FOXI1: variants seen among roughly 807,000 people sequenced by gnomAD.
The protein encoded by FOXI1 is forkhead box protein I1.
Under a neutral mutation model 16.4 loss-of-function variants are expected in FOXI1, and 11 were observed. The ratio of observed to expected loss-of-function variants is 0.67; its 90% CI spans 0.42 to 1.11. FOXI1 has a LOEUF of 1.11. Ranked by LOEUF, FOXI1 falls within the 50% of genes least tolerant of loss-of-function variation. The pLI is 0.00. For synonymous variants in FOXI1, 218 were observed against 211.5 expected, an observed-to-expected ratio of 1.03 and a Z score of -0.27; for missense variants, 480 against 506.1, an observed-to-expected ratio of 0.95 and a Z score of 0.49.
At position 170,108,849 on chromosome 5, in the gene FOXI1, A is replaced by G; in HGVS notation, c.*238A>G. On this transcript the variant is annotated 3_prime_UTR_variant, in exon 2 of 2. Coordinates refer to ENST00000306268, the MANE Select transcript of FOXI1 (RefSeq NM_012188.5). The stretch of plus-strand genomic sequence containing the variant: ...CTGGTGCCTGCAGAGCAGCACTAAC[A>G]GTGGCAGGTGCTGTACTAGGCTCTG... The G allele has an allele frequency of 1.7e-6, 1 of 577,992 alleles. No individual in the cohort carries two copies. Among genetic ancestry groups the G allele is most frequent in the South Asian group, 2.0e-5 (1 of 50,358 alleles). The allele number at this position is 577,992 out of a possible 1,614,324, so 35.8% of individuals were successfully genotyped here.
Position 170,106,602 on chromosome 5 carries a change from T to C in FOXI1, c.574+71T>C, listed in dbSNP as rs2277945. 0.32 allele frequency: 515,862 copies of C among 1,587,342 alleles called. 85,836 individuals are homozygous for C. The highest frequency in any genetic ancestry group is 0.34 in the Non-Finnish European group (399,590 of 1,165,908). On this transcript the variant is annotated intron_variant, in intron 1 of 1. Coordinates refer to ENST00000306268, the MANE Select transcript of FOXI1 (RefSeq NM_012188.5). ...TTCCTTCCTCCCCAAGACCCCATTC[T>C]AGAAAGTTCTGACTAGGGCTGTGCC...
Position 170,106,516 on chromosome 5 carries a change from G to A in FOXI1, c.559G>A (p.Asp187Asn), listed in dbSNP as rs1561921117. ...CGACTGCTTCAAGAAGGTGCCCCGCGACGAGGACGACCCGGGTAAGGAGGC... is the reference window on the plus strand; with the variant it reads ...CGACTGCTTCAAGAAGGTGCCCCGCAACGAGGACGACCCGGGTAAGGAGGC... ...LNDCFKKVPRDEDDPGKGNYW... is the reference protein window; with the variant it reads ...LNDCFKKVPRNEDDPGKGNYW... Residue 187 changes from aspartate to asparagine, a missense_variant, in exon 1 of 2, where the codon GAC becomes AAC. Transcript: ENST00000306268. 1.2e-6 allele frequency: 2 copies of A among 1,614,132 alleles called. No homozygotes were observed. Among genetic ancestry groups the A allele is most frequent in the African/African-American group, 1.3e-5 (1 of 74,952 alleles).
At position 170,106,031 on chromosome 5, in the gene FOXI1, C is replaced by A; in HGVS notation, c.74C>A (p.Pro25His). The A allele has an allele frequency of 1.2e-6, 2 of 1,612,348 alleles. No homozygotes were observed. Among genetic ancestry groups the A allele is most frequent in the Non-Finnish European group, 1.7e-6 (2 of 1,178,710 alleles). ...CAGTTCCCCAGCATCGGCCAGGAGC[C>A]CCCCGAGATGAACCTCTACTATGAG... Reference protein sequence around the residue: ...SPQFPSIGQEPPEMNLYYENF... With the variant: ...SPQFPSIGQEHPEMNLYYENF... Residue 25 changes from proline (P) to histidine (H), a missense_variant, in exon 1 of 2, where the codon CCC becomes CAC. Physicochemically the swap from Pro to His is moderately conservative, Grantham distance 77. Coordinates refer to ENST00000306268, the MANE Select transcript of FOXI1 (RefSeq NM_012188.5).
At chr5:170,107,355 C>A (rs1397407191) in intron 1 of FOXI1, among the ~76,000 whole-genome samples, 1 of 152,208 alleles carries the variant, frequency 6.6e-6, no homozygotes, top group African/African-American at 2.4e-5. Flanking sequence ...CTCAAAGGAA[C>A]CCCAACTCTG....
chr5:170,108,880 G>C lies in FOXI1; in HGVS notation c.*269G>C. On this transcript the variant is annotated 3_prime_UTR_variant, in exon 2 of 2. Coordinates refer to ENST00000306268, the MANE Select transcript of FOXI1 (RefSeq NM_012188.5). ...AGGTGCTGTACTAGGCTCTGTACTG[G>C]CCACACTTACTATTGACAGTCACCC... 1 of 491,814 alleles carries C rather than the reference G, an allele frequency of 2.0e-6. No individual in the cohort carries two copies. Among genetic ancestry groups the C allele is most frequent in the Non-Finnish European group, 3.7e-6 (1 of 272,398 alleles). The allele number at this position is 491,814 out of a possible 1,614,324, so 30.5% of individuals were successfully genotyped here. A position where few individuals can be genotyped will look rare whatever the true frequency, so the allele number is the denominator to read the frequency against.
At position 170,108,485 on chromosome 5, in the gene FOXI1, G is replaced by A. The variant is rs1392036427; in HGVS notation, c.1011G>A (p.Trp337Ter). 1 of 1,601,648 alleles carries A rather than the reference G, an allele frequency of 6.2e-7. No individual in the cohort carries two copies. The highest frequency in any genetic ancestry group is 1.7e-5 in the Admixed American group (1 of 59,438). The stretch of plus-strand genomic sequence containing the variant: ...GCAACCACAGCGGTGGGGGTGACTG[G>A]GCGAACCCCATGCCCACCAACATGC... Reference protein sequence around the residue: ...NLSNHSGGGDWANPMPTNMLS... With the variant: ...NLSNHSGGGD Residue 337 changes from tryptophan to a stop codon, truncating the protein, a stop_gained, in exon 2 of 2, where the codon TGG (tryptophan) becomes TGA (stop). Coordinates refer to ENST00000306268, the MANE Select transcript of FOXI1 (RefSeq NM_012188.5). LOFTEE classifies it high-confidence loss of function.
Sources: allele counts gnomAD v4.1 joint callset (sites outside exome capture counted in the v4.1 genomes callset), GRCh38; gene constraint gnomAD v4.1.1; transcripts MANE v1.5; gene names NCBI Gene and HGNC (gene_info 2026-07-23, HGNC 2026-07-21).